SAT1: variants seen among roughly 807,000 people sequenced by gnomAD.
The protein encoded by SAT1 is diamine acetyltransferase 1.
SAT1 carries 1 observed loss-of-function variant against 14.7 expected under a neutral mutation model. That is an observed-to-expected ratio of 0.07 (90% CI 0.02 to 0.32). The LOEUF (loss-of-function observed/expected upper bound fraction) is 0.32. Among genes scored for constraint, SAT1 ranks in the 10% least tolerant of loss-of-function variants. The pLI, the probability that SAT1 is intolerant of heterozygous loss-of-function variation, is 1.00. For synonymous variants in SAT1, 67 were observed against 46.1 expected, an observed-to-expected ratio of 1.45 and a Z score of -1.84; for missense variants, 77 against 129.1, an observed-to-expected ratio of 0.60 and a Z score of 1.96.
At chrX:23,783,567 G>GC in intron 1 of SAT1, 91 bp from the exon 2 acceptor site, 2 of 386,128 alleles carry the variant, frequency 5.2e-6, no homozygotes, top group Non-Finnish European at 8.2e-6. Flanking sequence ...CCGCCACCCC[G>GC]CCCGCCCGCC....
At chrX:23,783,577 C>CCCCCAAACCAA in intron 1 of SAT1, 81 bp from the exon 2 acceptor site, 2 of 750,211 alleles carry the variant, frequency 2.7e-6, no homozygotes, top group Non-Finnish European at 1.9e-6. Flanking sequence ...GCCCGCCCGC[C>CCCCCAAACCAA]CCATTCCGTT....
intron 1 of SAT1, 51 bp from the exon 2 acceptor site, chrX:23,783,607 G>C (rs1922589509): frequency 1.6e-6 from 1 of 617,352 alleles, no homozygotes; most frequent in Admixed American, 3.6e-5. Flanking sequence ...TGGCCGGGCC[G>C]GAGCCTCATT....
intron 3 of SAT1, chrX:23,784,127 T>C (rs1399401879): frequency 3.8e-6 from 4 of 1,060,544 alleles, no homozygotes; most frequent in East Asian, 6.8e-5. Flanking sequence ...TCGGAAGTGT[T>C]TAAGCTGCTT....
At chrX:23,784,366 T>C in intron 3 of SAT1, 1 of 781,654 alleles carries the variant, frequency 1.3e-6, no homozygotes, top group Non-Finnish European at 1.5e-6. Context: ...AACTAAAAGA[T>C]CCTTTACACA....
chrX:23,785,029 G>C, intron 3 of SAT1: 2 of 318,216 alleles, frequency 6.3e-6, no homozygotes, highest in Non-Finnish European at 1.1e-5. Flanking sequence ...TAATGAAAGC[G>C]TTCTCGCTTC....
chrX:23,783,735 G>C, intron 2 of SAT1, 26 bp downstream of exon 2: 1 of 1,209,855 alleles, frequency 8.3e-7, no homozygotes. Flanking sequence ...CGGGACGGGG[G>C]ACAAGCGTTC....
At position 23,785,476 on chromosome X, in the gene SAT1, T is replaced by C. The variant is rs140890109; in HGVS notation, c.305-44T>C. On this transcript the variant is annotated intron_variant, in intron 4 of 5. Transcript: ENST00000379270. ...AGGGTCTGAAGAGAGTTCAGAGTTA[T>C]AAATGCTTACAATGACTTTTTAAAT... 1,737 of 1,178,951 alleles carry C rather than the reference T, an allele frequency of 1.5e-3. 23 individuals are homozygous for C. In the African/African-American group the frequency reaches 0.027, roughly 19 times the overall value.
Position 23,783,682 on chromosome X carries a change from G to C in SAT1, c.91G>C (p.Glu31Gln). The C allele has an allele frequency of 5.0e-6, 6 of 1,204,749 alleles. No homozygotes were observed. Among genetic ancestry groups the C allele is most frequent in the Non-Finnish European group, 6.7e-6 (6 of 891,463 alleles). ...GGAGCTGGCTAAATATGAATACATG[G>C]AAGAACAAGTAATCTTAACTGAAAA... ...IKELAKYEYMEEQVILTEKDL... is the reference protein window; with the variant it reads ...IKELAKYEYMQEQVILTEKDL... The change falls in exon 2 of 6, where the codon GAA (glutamate) becomes CAA (glutamine). Residue 31 changes from glutamate to glutamine, a missense_variant. Glu to Gln is a conservative substitution (Grantham distance 29). Transcript: ENST00000379270.
Position 23,783,783 on chromosome X carries a change from G to C in SAT1, c.119-17G>C, listed in dbSNP as rs751722615. On this transcript the variant is annotated splice_polypyrimidine_tract_variant and intron_variant, in intron 2 of 5. Transcript: ENST00000379270. Reference sequence around the variant, plus strand: ...CTTCGCCAAGGCCATTACCGCCCCTGCTCCCCCTTCTTGCAGATCTGCTAG... The same window carrying C: ...CTTCGCCAAGGCCATTACCGCCCCTCCTCCCCCTTCTTGCAGATCTGCTAG... 7.4e-6 allele frequency: 9 copies of C among 1,209,818 alleles called. No homozygotes were observed. Among genetic ancestry groups the C allele is most frequent in the Non-Finnish European group, 1.0e-5 (9 of 894,883 alleles).
intron 3 of SAT1, chrX:23,785,009 C>G (rs1922664607): frequency 7.1e-6 from 2 of 281,099 alleles, no homozygotes; most frequent in South Asian, 6.7e-5. Flanking sequence ...AGCAGTTTTG[C>G]TCTGGCAAGT....
rs1350644007 is a variant in SAT1 at position 23,783,519 on chromosome X, C to G, written c.66+102C>G. The G allele has an allele frequency of 6.4e-6, 6 of 941,592 alleles. No individual in the cohort carries two copies. The East Asian group carries it at 1.0e-4, about 16-fold the overall frequency. The allele number at this position is 941,592 out of a possible 1,213,427, so 77.6% of individuals were successfully genotyped here. A position where few individuals can be genotyped will look rare whatever the true frequency, so the allele number is the denominator to read the frequency against. On this transcript the variant is annotated intron_variant, in intron 1 of 5. Transcript: ENST00000379270. ...TTGAGGTCTCGGCCGGTGTGAGAGC[C>G]CAGCCTGTTCCCCTTTCTGCGCCCA...
rs1922708049 is a variant in SAT1 at position 23,786,064 on chromosome X, T to TTC, written c.*208_*209insTC. The TTC allele has an allele frequency of 2.9e-6, 1 of 343,990 alleles. No homozygotes were observed. The highest frequency in any genetic ancestry group is 4.5e-5 in the East Asian group (1 of 22,018). The allele number at this position is 343,990 out of a possible 1,213,427, so 28.3% of individuals were successfully genotyped here. A position where few individuals can be genotyped will look rare whatever the true frequency, so the allele number is the denominator to read the frequency against. Reference sequence around the variant, plus strand: ...GGAGAGTCAGATCTTTCTCCTTGAATATCTTTCGATAAACAACAAGGTGGT... The same window carrying TTC: ...GGAGAGTCAGATCTTTCTCCTTGAATTCATCTTTCGATAAACAACAAGGTGGT... On this transcript the variant is annotated 3_prime_UTR_variant, in exon 6 of 6. Coordinates refer to ENST00000379270, the MANE Select transcript of SAT1 (RefSeq NM_002970.4).
At chrX:23,784,094 A>G in intron 3 of SAT1, 1 of 1,102,238 alleles carries the variant, frequency 9.1e-7, no homozygotes, top group Non-Finnish European at 1.2e-6. Context: ...CTGTTTAAGT[A>G]AGTATCAGAG....
intron 3 of SAT1, among the ~76,000 whole-genome samples, chrX:23,784,568 C>CTTTTTTTT (rs9306769): frequency 1.5e-4 from 9 of 60,558 alleles, no homozygotes; most frequent in African/African-American, 2.6e-4. Flanking sequence ...TGTCAGATGC[C>CTTTTTTTT]TTTTTTTTTT....
In SAT1 at chrX:23,783,789, C is replaced by G. The variant is rs764050893; in HGVS notation, c.119-11C>G. The G allele has an allele frequency of 4.5e-4, 546 of 1,209,569 alleles. 1 individual carries two copies. In the South Asian group the frequency reaches 9.3e-3, roughly 21 times the overall value. ...CAAGGCCATTACCGCCCCTGCTCCC[C>G]CTTCTTGCAGATCTGCTAGAAGATG... On this transcript the variant is annotated splice_polypyrimidine_tract_variant and intron_variant, in intron 2 of 5. Coordinates refer to ENST00000379270, the MANE Select transcript of SAT1 (RefSeq NM_002970.4).
At chrX:23,785,244 C>A in intron 3 of SAT1, 84 bp from the exon 4 acceptor site, 3 of 707,245 alleles carry the variant, frequency 4.2e-6, no homozygotes, top group Non-Finnish European at 6.8e-6. Context: ...TTTTTTAAAA[C>A]CTATGATAGG....
chrX:23,784,641 T>C (rs1182691076), intron 3 of SAT1: 2 of 100,718 alleles, frequency 2.0e-5, no homozygotes, highest in East Asian at 6.2e-4. Flanking sequence ...GGGGAAGTTG[T>C]CTGGGTGGTT....
At chrX:23,784,308 C>A in intron 3 of SAT1, 1 of 877,416 alleles carries the variant, frequency 1.1e-6, no homozygotes, top group Non-Finnish European at 1.4e-6. Flanking sequence ...CAGTCTCTAG[C>A]TTCGCCATGT....
At chrX:23,783,561 C>A in intron 1 of SAT1, 97 bp from the exon 2 acceptor site, 1 of 730,178 alleles carries the variant, frequency 1.4e-6, no homozygotes, top group Middle Eastern at 4.9e-4. Flanking sequence ...GCTCGGCCGC[C>A]ACCCCGCCCG....
Sources: gnomAD v4.1 joint callset for allele counts (sites outside exome capture counted in the v4.1 genomes callset) on GRCh38, gnomAD v4.1.1 for gene constraint, MANE v1.5 for transcripts, NCBI Gene and HGNC (gene_info 2026-07-23, HGNC 2026-07-21) for gene names.